The following INCENP variants were observed in gnomAD, a reference collection of about 807,000 sequenced individuals.
INCENP encodes inner centromere protein, also known as binds and activates aurora-B and -C in vivo and in vitro.
INCENP carries 43 observed loss-of-function variants against 107.3 expected under a neutral mutation model. That is an observed-to-expected ratio of 0.40 (90% CI 0.31 to 0.52). The LOEUF is 0.52. Among genes scored for constraint, INCENP ranks in the 20% least tolerant of loss-of-function variants. The pLI is 0.53. For missense variants in INCENP, 1,089 were observed against 1,250.9 expected (o/e 0.87, Z 1.95); for synonymous variants, 488 against 494.4 (o/e 0.99, Z 0.17).
Position 62,130,512 on chromosome 11 carries a change from G to C in INCENP, c.985G>C (p.Glu329Gln). The C allele has an allele frequency of 1.2e-6, 2 of 1,614,112 alleles. No individual in the cohort carries two copies. Among genetic ancestry groups the C allele is most frequent in the Non-Finnish European group, 1.7e-6 (2 of 1,180,046 alleles). ...GAAGTACTCTCTGGTGGCCAAACAG[G>C]AAAGTGTTGTCCGCAGGGCGAGCAG... is the stretch of plus-strand genomic sequence containing the variant. ...AQKYSLVAKQ[E>Q]SVVRRASRRL... The change falls in exon 4 of 19, where the codon GAA (glutamate) becomes CAA (glutamine). Residue 329 changes from glutamate (E) to glutamine (Q), a missense_variant. Physicochemically the swap from Glu to Gln is conservative, Grantham distance 29. Transcript: ENST00000394818.
At chr11:62,146,565 T>G in intron 14 of INCENP, 93 bp from the exon 15 acceptor site, 1 of 1,508,068 alleles carries the variant, frequency 6.6e-7, no homozygotes. Flanking sequence ...GTGGCTGATA[T>G]GAGGGGCACC....
chr11:62,147,572 G>A (rs1193760299), intron 15 of INCENP, among the ~76,000 whole-genome samples: 1 of 152,212 alleles, frequency 6.6e-6, no homozygotes, highest in Non-Finnish European at 1.5e-5. Context: ...TGTGTGCACA[G>A]AAGTAGAGCA....
At chr11:62,147,308 C>T (rs929916252) in intron 15 of INCENP, among the ~76,000 whole-genome samples, 137 of 152,306 alleles carry the variant, frequency 9.0e-4, no homozygotes, top group African/African-American at 3.1e-3. Context: ...CTGGTGAGGA[C>T]GATAACTCAG....
intron 1 of INCENP, among the ~76,000 whole-genome samples, chr11:62,125,733 G>A (rs1017782187): frequency 8.5e-5 from 13 of 152,212 alleles, no homozygotes; most frequent in Admixed American, 8.5e-4. Flanking sequence ...AGAGTTGATG[G>A]GTGGATTAAT....
At chr11:62,126,500 C>T (rs7937840) in intron 1 of INCENP, among the ~76,000 whole-genome samples, 29,655 of 152,084 alleles carry the variant, frequency 0.19, 3,210 homozygotes, top group Non-Finnish European at 0.25. Context: ...CCGGCCAGTT[C>T]TTGGTTTTAA....
At chr11:62,150,836 G>T (rs531799645) in intron 18 of INCENP, among the ~76,000 whole-genome samples, 1 of 152,328 alleles carries the variant, frequency 6.6e-6, no homozygotes, top group East Asian at 1.9e-4. Context: ...GGGCCCGTGG[G>T]TACCATGGGT....
Position 62,130,438 on chromosome 11 carries a change from G to A in INCENP, c.911G>A (p.Arg304Gln), listed in dbSNP as rs764234170. 100 of 1,613,812 alleles carry A rather than the reference G, an allele frequency of 6.2e-5. No individual in the cohort carries two copies. The highest frequency in any genetic ancestry group is 1.6e-4 in the African/African-American group (12 of 74,942). The change falls in exon 4 of 19, where the codon CGG becomes CAG. Residue 304 changes from arginine (R) to glutamine (Q), a missense_variant. Physicochemically the swap from Arg to Gln is conservative, Grantham distance 43. Coordinates refer to ENST00000394818, the MANE Select transcript of INCENP (RefSeq NM_001040694.2). ...TCTCGCACGGACTCTCAATCGGTGCGGCACAGCCCGATCGCCCCGTCTTCC... is the reference window on the plus strand; with the variant it reads ...TCTCGCACGGACTCTCAATCGGTGCAGCACAGCCCGATCGCCCCGTCTTCC... Reference protein sequence around the residue: ...TGSRTDSQSVRHSPIAPSSPS... With the variant: ...TGSRTDSQSVQHSPIAPSSPS...
intron 4 of INCENP, among the ~76,000 whole-genome samples, chr11:62,134,712 A>G (rs980663253): frequency 6.6e-6 from 1 of 152,212 alleles, no homozygotes; most frequent in Non-Finnish European, 1.5e-5. Context: ...AATAAGCCAC[A>G]TTCTGCGTTT....
chr11:62,146,729 G>A lies in INCENP; in HGVS notation c.2031G>A (p.Lys677=), dbSNP rs567853243. Residue 677 remains lysine, a synonymous_variant, in exon 15 of 19, where the codon AAG becomes AAA. Coordinates refer to ENST00000394818, the MANE Select transcript of INCENP (RefSeq NM_001040694.2). ...KKEEEQERLR[K]AAEAKRLAEQ... is the part of the protein sequence containing the mutation. ...AAGAGGAGCAGGAGCGGCTGCGGAA[G>A]GCGGCCGAGGCTAAGCGGCTGGCAG... The A allele has an allele frequency of 1.3e-6, 2 of 1,550,226 alleles. No homozygotes were observed. The highest frequency in any genetic ancestry group is 4.9e-5 in the East Asian group (2 of 40,898).
In INCENP at chr11:62,128,722, C is replaced by G. The variant is rs904787224; in HGVS notation, c.141-48C>G. 5.3e-6 allele frequency: 7 copies of G among 1,324,268 alleles called. No homozygotes were observed. In the South Asian group the frequency reaches 8.2e-5, roughly 16 times the overall value. 82.0% of individuals were successfully genotyped at this position (1,324,268 alleles called of 1,614,324 possible). On this transcript the variant is annotated intron_variant, in intron 2 of 18. Transcript: ENST00000394818. The stretch of plus-strand genomic sequence containing the variant: ...GGCCAGGCTGGGTGGGAGAGGGGAC[C>G]AGTGGTTCCCAGGCAGCCTCGAGTG...
At chr11:62,148,648 G>A in intron 16 of INCENP, 91 bp from the exon 17 acceptor site, 2 of 1,462,680 alleles carry the variant, frequency 1.4e-6, no homozygotes, top group South Asian at 1.2e-5. Flanking sequence ...GGGAGGGGAG[G>A]GAAAGGGAGG....
intron 1 of INCENP, among the ~76,000 whole-genome samples, chr11:62,127,800 C>T (rs1460058745): frequency 6.6e-6 from 1 of 151,834 alleles, no homozygotes; most frequent in Non-Finnish European, 1.5e-5. Flanking sequence ...AGACAGATGG[C>T]AGTGCCCTGT....
At chr11:62,137,710 C>T in intron 4 of INCENP, 122 bp from the exon 5 acceptor site, 2 of 824,212 alleles carry the variant, frequency 2.4e-6, no homozygotes, top group Non-Finnish European at 2.1e-6. Flanking sequence ...ATGGTGGGGG[C>T]TCCACGGCTA....
At chr11:62,146,129 T>G (rs925431961) in intron 14 of INCENP, among the ~76,000 whole-genome samples, 1 of 152,208 alleles carries the variant, frequency 6.6e-6, no homozygotes, top group African/African-American at 2.4e-5. Context: ...TGCTAAGAGT[T>G]CTATACAATT....
chr11:62,151,198 A>G lies in INCENP; in HGVS notation c.2543-564A>G, dbSNP rs562237465. ...ATGAGTGAGCTCACGGCTGGCCCTT[A>G]GAGCCGCACCTGGTGCTGAGCAAGT... On this transcript the variant is annotated intron_variant, in intron 18 of 18. Transcript: ENST00000394818. Among the ~76,000 whole-genome samples, 20 of 152,340 alleles carry G rather than the reference A, an allele frequency of 1.3e-4. No individual in the cohort carries two copies. The South Asian group carries it at 4.1e-3, about 32-fold the overall frequency.
At chr11:62,147,015 T>C in intron 15 of INCENP, 113 bp downstream of exon 15, 1 of 1,502,048 alleles carries the variant, frequency 6.7e-7, no homozygotes. Context: ...GGTGCTTTCC[T>C]TGGCACCAAA....
chr11:62,142,711 A>T (rs532146189), intron 11 of INCENP, among the ~76,000 whole-genome samples: 36 of 152,298 alleles, frequency 2.4e-4, no homozygotes, highest in Non-Finnish European at 4.4e-4. Context: ...TCTGGTTCCA[A>T]TGTTAGTCCC....
At chr11:62,139,499 G>A (rs758336882) in intron 7 of INCENP, among the ~76,000 whole-genome samples, 5 of 152,196 alleles carry the variant, frequency 3.3e-5, no homozygotes, top group Non-Finnish European at 5.9e-5. Flanking sequence ...CTCTCTGGTG[G>A]AAAGTGCACT....
At chr11:62,133,834 C>T (rs1030469318) in intron 4 of INCENP, among the ~76,000 whole-genome samples, 1 of 152,158 alleles carries the variant, frequency 6.6e-6, no homozygotes, top group Non-Finnish European at 1.5e-5. Context: ...CCAAACCTGG[C>T]TGCTATACCC....
Sources: gnomAD v4.1 joint callset for allele counts (sites outside exome capture counted in the v4.1 genomes callset) on GRCh38, gnomAD v4.1.1 for gene constraint, MANE v1.5 for transcripts, NCBI Gene and HGNC (gene_info 2026-07-23, HGNC 2026-07-21) for gene names.